RIN3: variants seen among roughly 807,000 people sequenced by gnomAD.
RIN3 encodes RAB5 interacting protein 3.
Under a neutral mutation model 76.3 loss-of-function variants are expected in RIN3, and 54 were observed. That is an observed-to-expected ratio of 0.71 (90% CI 0.57 to 0.89). RIN3 has a LOEUF of 0.89. RIN3 is among the 40% of genes least tolerant of loss of function. The probability of loss-of-function intolerance (pLI) is 0.00; values close to 1 mark genes in which losing one functional copy is unlikely to be tolerated. For missense variants in RIN3, 1,256 were observed against 1,322.1 expected (o/e 0.95, Z 0.78); for synonymous variants, 576 against 564.0 (o/e 1.02, Z -0.30).
In RIN3 at chr14:92,651,888, C is replaced by T; in HGVS notation, c.839C>T (p.Pro280Leu). The T allele has an allele frequency of 6.3e-7, 1 of 1,593,372 alleles. No individual in the cohort carries two copies. The highest frequency in any genetic ancestry group is 1.7e-5 in the Admixed American group (1 of 59,138). ...SPTSRWAPRR[P>L]PPPPPVLPLQ... Reference sequence around the variant, plus strand: ...ACCTCCAGGTGGGCCCCACGCCGCCCACCACCCCCTCCCCCAGTGCTGCCC... The same window carrying T: ...ACCTCCAGGTGGGCCCCACGCCGCCTACCACCCCCTCCCCCAGTGCTGCCC... The change falls in exon 6 of 10, where the codon CCA becomes CTA. Residue 280 changes from proline (P) to leucine (L), a missense_variant. Pro to Leu is a moderately conservative substitution (Grantham distance 98, BLOSUM62 -3). Around this residue, in one of 3 missense-constraint regions of RIN3, gnomAD observed 610 missense variants for 626.4 expected, o/e 0.97. Transcript: ENST00000216487.
At chr14:92,687,387 T>G (rs1888903731) in intron 9 of RIN3, 2 of 153,066 alleles carry the variant, frequency 1.3e-5, no homozygotes, top group Admixed American at 6.5e-5. Flanking sequence ...CCCACCCGAC[T>G]GCGCCCAGCC....
chr14:92,596,934 G>A (rs571966088), intron 3 of RIN3, among the ~76,000 whole-genome samples: 5 of 152,200 alleles, frequency 3.3e-5, no homozygotes, highest in Non-Finnish European at 5.9e-5. Context: ...TCCCAACTTG[G>A]TGGTAAGTAC....
chr14:92,577,440 C>G lies in RIN3; in HGVS notation c.330C>G (p.Ala110=), dbSNP rs369321952. The G allele has an allele frequency of 6.2e-7, 1 of 1,613,566 alleles. No individual in the cohort carries two copies. The highest frequency in any genetic ancestry group is 1.7e-5 in the Admixed American group (1 of 60,010). The change falls in exon 3 of 10, where the codon GCC becomes GCG. Residue 110 remains alanine, a synonymous_variant. Coordinates refer to ENST00000216487, the MANE Select transcript of RIN3 (RefSeq NM_024832.5). Reference sequence around the variant, plus strand: ...TTCCTTCTCTGAACGAAAGCTCGGCCGAGGTGCTCGAATACACCATTAAGG... The same window carrying G: ...TTCCTTCTCTGAACGAAAGCTCGGCGGAGGTGCTCGAATACACCATTAAGG... The part of the protein sequence containing the change: ...VHFPSLNESS[A]EVLEYTIKEE...
At chr14:92,520,861 C>T (rs997059268) in intron 1 of RIN3, among the ~76,000 whole-genome samples, 9 of 152,202 alleles carry the variant, frequency 5.9e-5, no homozygotes, top group African/African-American at 2.2e-4. Flanking sequence ...TAATCTCAGT[C>T]AATGTCAGAG....
chr14:92,579,244 AATCTTGT>A (rs1898361200), intron 3 of RIN3, among the ~76,000 whole-genome samples: 1 of 152,160 alleles, frequency 6.6e-6, no homozygotes, highest in African/African-American at 2.4e-5. Flanking sequence ...CATAATTTCT[AATCTTGT>A]GGCTAATTTG....
intron 1 of RIN3, among the ~76,000 whole-genome samples, chr14:92,521,682 C>T (rs896144142): frequency 6.6e-6 from 1 of 152,220 alleles, no homozygotes; most frequent in Admixed American, 6.5e-5. Context: ...ACTTCTCATA[C>T]AGCCTGCAGA....
intron 1 of RIN3, among the ~76,000 whole-genome samples, chr14:92,516,299 A>T (rs1014070234): frequency 6.6e-6 from 1 of 152,274 alleles, no homozygotes; most frequent in East Asian, 1.9e-4. Context: ...GGTGGAACTC[A>T]TGTCTCCTGA....
At chr14:92,537,929 T>C (rs904097811) in intron 1 of RIN3, among the ~76,000 whole-genome samples, 1 of 152,052 alleles carries the variant, frequency 6.6e-6, no homozygotes, top group South Asian at 2.1e-4. Flanking sequence ...CTCTGACTCC[T>C]GGGTTCAAGT....
chr14:92,533,482 G>C (rs1896927562), intron 1 of RIN3, among the ~76,000 whole-genome samples: 1 of 152,200 alleles, frequency 6.6e-6, no homozygotes, highest in African/African-American at 2.4e-5. Flanking sequence ...CAGTCAATAA[G>C]TAGATAAAGA....
intron 3 of RIN3, among the ~76,000 whole-genome samples, chr14:92,612,831 G>C (rs1048711984): frequency 6.6e-6 from 1 of 152,242 alleles, no homozygotes; most frequent in African/African-American, 2.4e-5. Flanking sequence ...TGCGTCTAGC[G>C]TCGTGTTGGG....
At position 92,643,937 on chromosome 14, in the gene RIN3, A is replaced by AG. The variant is rs1235806059; in HGVS notation, c.532+2608_532+2609insG. ...ACTGAGACTCTGCCTCAAAAAAAAAAAAAATTAGAAGATCAAGTTTTAGCT... is the reference window on the plus strand; with the variant it reads ...ACTGAGACTCTGCCTCAAAAAAAAAAGAAAATTAGAAGATCAAGTTTTAGCT... On this transcript the variant is annotated intron_variant, in intron 5 of 9. Coordinates refer to ENST00000216487, the MANE Select transcript of RIN3 (RefSeq NM_024832.5). This position sits in a 1 kb window ranked among gnomAD's most constrained non-coding sequence, Gnocchi z 4.8. 6.6e-5 allele frequency among the ~76,000 whole-genome samples: 10 copies of AG among 152,308 alleles called. No homozygotes were observed. Among genetic ancestry groups the AG allele is most frequent in the African/African-American group, 2.2e-4 (9 of 41,562 alleles).
chr14:92,576,133 C>T, intron 2 of RIN3: 3 of 1,000,596 alleles, frequency 3.0e-6, no homozygotes, highest in Non-Finnish European at 3.9e-6. Context: ...GCCCCCTCCC[C>T]CTTCCTGGGG....
intron 2 of RIN3, among the ~76,000 whole-genome samples, chr14:92,561,055 A>ATATATATATATGTATATC (rs71123360): frequency 1.3e-5 from 1 of 79,162 alleles, no homozygotes; most frequent in African/African-American, 4.5e-5. Context: ...ATATATATAT[A>ATATATATATATGTATATC]TCTGCCATAT....
intron 4 of RIN3, among the ~76,000 whole-genome samples, chr14:92,619,493 G>A (rs1886095808): frequency 7.6e-6 from 1 of 131,428 alleles, no homozygotes; most frequent in South Asian, 2.5e-4. Context: ...AGGCTGGAGT[G>A]CAGTGGCGCA....
chr14:92,585,445 C>T (rs988692536), intron 3 of RIN3, among the ~76,000 whole-genome samples: 2 of 152,154 alleles, frequency 1.3e-5, no homozygotes, highest in African/African-American at 4.8e-5. Flanking sequence ...TCCCCATAGT[C>T]CAGTGGTGAT....
chr14:92,666,044 A>G (rs1465497270), intron 7 of RIN3, among the ~76,000 whole-genome samples: 1 of 151,310 alleles, frequency 6.6e-6, no homozygotes, highest in Non-Finnish European at 1.5e-5. Context: ...GCCTACCTCC[A>G]CCACTGACCT....
chr14:92,634,360 A>G (rs1051133761), intron 4 of RIN3, among the ~76,000 whole-genome samples: 1 of 152,124 alleles, frequency 6.6e-6, no homozygotes, highest in African/African-American at 2.4e-5. Flanking sequence ...GATTACAGGC[A>G]TGAGCCACTG....
Position 92,563,983 on chromosome 14 carries a change from C to A in RIN3, c.249+8028C>A, listed in dbSNP as rs139887919. 3.3e-5 allele frequency among the ~76,000 whole-genome samples: 5 copies of A among 152,060 alleles called. No individual in the cohort carries two copies. The East Asian group carries it at 7.7e-4, about 23-fold the overall frequency. The stretch of plus-strand genomic sequence containing the variant: ...TATGAGGACCTTTGTCCAGGATGGG[C>A]CCCAGCCACTGGACTGTCAACCTCT... On this transcript the variant is annotated intron_variant, in intron 2 of 9. Transcript: ENST00000216487.
At chr14:92,584,722 G>A (rs1884705341) in intron 3 of RIN3, among the ~76,000 whole-genome samples, 2 of 152,164 alleles carry the variant, frequency 1.3e-5, no homozygotes, top group African/African-American at 4.8e-5. Flanking sequence ...GCTGCAGCCT[G>A]CCCGTTTATG....
Sources: allele counts gnomAD v4.1 joint callset (sites outside exome capture counted in the v4.1 genomes callset), GRCh38; gene constraint gnomAD v4.1.1; regional missense constraint gnomAD v4.1.1; non-coding constraint Gnocchi (gnomAD v3.1); transcripts MANE v1.5; gene names NCBI Gene and HGNC (gene_info 2026-07-23, HGNC 2026-07-21).